The following COLEC12 variants were observed in gnomAD, a reference collection of about 807,000 sequenced individuals.
The protein encoded by COLEC12 is collectin subfamily member 12.
COLEC12 carries 33 observed loss-of-function variants against 71.1 expected under a neutral mutation model. The observed-to-expected ratio is 0.46, with a 90% CI of 0.35 to 0.62. The LOEUF is 0.62. Among genes scored for constraint, COLEC12 ranks in the 20% least tolerant of loss-of-function variants. COLEC12 has a pLI of 0.00. For synonymous variants in COLEC12, 350 were observed against 353.0 expected (o/e 0.99, Z 0.10); for missense variants, 765 against 916.1 (o/e 0.84, Z 2.13).
At chr18:411,468 AAT>A (rs1204554500) in intron 2 of COLEC12, among the ~76,000 whole-genome samples, 1 of 152,350 alleles carries the variant, frequency 6.6e-6, no homozygotes, top group East Asian at 1.9e-4. Flanking sequence ...AGCAATTATT[AAT>A]ATGTTTCAAA....
intron 2 of COLEC12, among the ~76,000 whole-genome samples, chr18:383,669 C>G (rs1423050340): frequency 1.3e-5 from 2 of 152,240 alleles, no homozygotes; most frequent in Non-Finnish European, 2.9e-5. Context: ...TGCCCCCTAC[C>G]CACTCCTTCT....
chr18:354,270 A>C (rs1389284194), intron 3 of COLEC12, among the ~76,000 whole-genome samples: 1 of 152,234 alleles, frequency 6.6e-6, no homozygotes, highest in Non-Finnish European at 1.5e-5. Flanking sequence ...GATACGCCTC[A>C]CAGTCACGAC....
chr18:423,819 T>C (rs1458643417), intron 2 of COLEC12: 4 of 152,188 alleles, frequency 2.6e-5, no homozygotes, highest in Admixed American at 2.0e-4. Flanking sequence ...TGTGCTGATA[T>C]GGTTCCTGGT....
intron 2 of COLEC12, among the ~76,000 whole-genome samples, chr18:460,751 A>G (rs938503359): frequency 6.7e-6 from 1 of 149,602 alleles, no homozygotes; most frequent in Non-Finnish European, 1.5e-5. Context: ...ACAGTCTGCT[A>G]TGTGCATCCT....
intron 2 of COLEC12, among the ~76,000 whole-genome samples, chr18:421,962 A>G (rs139991830): frequency 6.6e-6 from 1 of 152,330 alleles, no homozygotes; most frequent in Non-Finnish European, 1.5e-5. Flanking sequence ...CAGTCAACCC[A>G]GGCAAATTAC....
rs151024075 is a variant in COLEC12, at chr18:350,670, G to A, written c.182-2507C>T. Among the ~76,000 whole-genome samples the A allele has an allele frequency of 8.3e-4, 127 of 152,168 alleles. No homozygotes were observed. In the East Asian group the frequency reaches 0.015, roughly 19 times the overall value. ...AGACCGGGCATGGTGGCTCACGCCC[G>A]TAATTCCAACACTTTGGGAGGCTGG... is the stretch of plus-strand genomic sequence containing the variant. On this transcript the variant is annotated intron_variant, in intron 3 of 9. Coordinates refer to ENST00000400256, the MANE Select transcript of COLEC12 (RefSeq NM_130386.3).
At chr18:448,308 G>C (rs1916693220) in intron 2 of COLEC12, among the ~76,000 whole-genome samples, 1 of 152,222 alleles carries the variant, frequency 6.6e-6, no homozygotes, top group Admixed American at 6.5e-5. Context: ...GCTAAAGTCT[G>C]ATCCTGTAAT....
rs549960050 is a variant in COLEC12, at chr18:406,486, G to A, written c.59-48964C>T. Reference sequence around the variant, plus strand: ...ATTGCGCCACTGCAGTCCGCAGTCCGGCCTGGACGACAGAGCGAGACTCCG... The same window carrying A: ...ATTGCGCCACTGCAGTCCGCAGTCCAGCCTGGACGACAGAGCGAGACTCCG... On this transcript the variant is annotated intron_variant, in intron 2 of 9. Coordinates refer to ENST00000400256, the MANE Select transcript of COLEC12 (RefSeq NM_130386.3). 2.1e-3 allele frequency among the ~76,000 whole-genome samples: 280 copies of A among 131,482 alleles called. 1 individual carries two copies. In the South Asian group the frequency reaches 0.03, roughly 14 times the overall value. 86.3% of individuals were successfully genotyped at this position (131,482 alleles called of 152,430 possible). A position where few individuals can be genotyped will look rare whatever the true frequency, so the allele number is the denominator to read the frequency against.
At chr18:474,011 A>C (rs752237535) in intron 2 of COLEC12, among the ~76,000 whole-genome samples, 8 of 152,246 alleles carry the variant, frequency 5.3e-5, no homozygotes, top group Non-Finnish European at 1.0e-4. Context: ...TCAGGGCTCC[A>C]GTGTTCAATA....
At chr18:429,752 T>C (rs1211961056) in intron 2 of COLEC12, among the ~76,000 whole-genome samples, 10 of 152,180 alleles carry the variant, frequency 6.6e-5, no homozygotes, top group Non-Finnish European at 2.9e-5. Context: ...TAGAGCTGCA[T>C]GATGACAGAT....
At chr18:359,550 G>A (rs575364898) in intron 2 of COLEC12, among the ~76,000 whole-genome samples, 5 of 152,260 alleles carry the variant, frequency 3.3e-5, no homozygotes, top group South Asian at 4.1e-4. Context: ...CTAAAAGGTC[G>A]TTTTTGAAAA....
intron 2 of COLEC12, among the ~76,000 whole-genome samples, chr18:389,208 G>GACAC (rs145389624): frequency 1.3e-5 from 2 of 149,212 alleles, no homozygotes; most frequent in African/African-American, 2.5e-5. Flanking sequence ...CACACACACA[G>GACAC]ACACACACAC....
intron 2 of COLEC12, among the ~76,000 whole-genome samples, chr18:376,371 G>A (rs1251984809): frequency 1.3e-5 from 2 of 152,194 alleles, no homozygotes; most frequent in African/African-American, 2.4e-5. Context: ...TCCATGGATT[G>A]GAGACATTTA....
At chr18:427,737 GACT>G (rs1167333375) in intron 2 of COLEC12, among the ~76,000 whole-genome samples, 1 of 152,072 alleles carries the variant, frequency 6.6e-6, no homozygotes, top group Non-Finnish European at 1.5e-5. Context: ...CGCACCTATT[GACT>G]ACATTTATTT....
intron 2 of COLEC12, among the ~76,000 whole-genome samples, chr18:398,246 T>C (rs1386577387): frequency 6.6e-6 from 1 of 152,242 alleles, no homozygotes; most frequent in Non-Finnish European, 1.5e-5. Flanking sequence ...CTTCAGTAAA[T>C]GGATTTTGTC....
intron 2 of COLEC12, among the ~76,000 whole-genome samples, chr18:466,417 G>A (rs916710034): frequency 2.0e-4 from 31 of 151,988 alleles, no homozygotes; most frequent in African/African-American, 5.6e-4. Context: ...CCTTCCTTTC[G>A]CAGACTATCC....
In COLEC12 at chr18:318,197, G is replaced by A. The variant is rs1196657788; in HGVS notation, c.*1848C>T. 1.3e-5 allele frequency: 2 copies of A among 151,974 alleles called. No homozygotes were observed. Among genetic ancestry groups the A allele is most frequent in the Middle Eastern group, 3.4e-3 (1 of 294 alleles). 9.4% of individuals were successfully genotyped at this position (151,974 alleles called of 1,614,324 possible). On this transcript the variant is annotated 3_prime_UTR_variant, in exon 10 of 10. Transcript: ENST00000400256. The stretch of plus-strand genomic sequence containing the variant: ...GGGTTTCACCGTGTTAGCCAGGATG[G>A]TCTCGATCTCCTGACCTTGTGATCC...
At chr18:429,450 C>T (rs764534421) in intron 2 of COLEC12, among the ~76,000 whole-genome samples, 5 of 151,454 alleles carry the variant, frequency 3.3e-5, no homozygotes, top group African/African-American at 1.2e-4. Flanking sequence ...GGTGCAATCT[C>T]GGCTCATTGC....
chr18:359,039 A>T (rs1914688078), intron 2 of COLEC12, among the ~76,000 whole-genome samples: 1 of 152,208 alleles, frequency 6.6e-6, no homozygotes, highest in Non-Finnish European at 1.5e-5. Context: ...CAAAATATTT[A>T]AACATTCAAA....
Sources: allele counts gnomAD v4.1 joint callset (sites outside exome capture counted in the v4.1 genomes callset), GRCh38; gene constraint gnomAD v4.1.1; transcripts MANE v1.5; gene names NCBI Gene and HGNC (gene_info 2026-07-23, HGNC 2026-07-21).